WDFY1: variants seen among roughly 807,000 people sequenced by gnomAD.
The protein encoded by WDFY1 is WD repeat and FYVE domain containing 1.
In WDFY1, 32 loss-of-function variants were observed where a neutral mutation model predicts 56.4. The observed-to-expected ratio is 0.57, with a 90% confidence interval of 0.43 to 0.76. WDFY1 has a LOEUF of 0.76. Among genes scored for constraint, WDFY1 ranks in the 30% least tolerant of loss-of-function variants. WDFY1 has a pLI of 0.00. For synonymous variants in WDFY1, 192 were observed against 197.3 expected (o/e 0.97, Z 0.23); for missense variants, 480 against 545.7 (o/e 0.88, Z 1.20).
intron 2 of WDFY1, among the ~76,000 whole-genome samples, chr2:223,914,863 GAA>G (rs544801156): frequency 4.6e-5 from 7 of 152,092 alleles, no homozygotes; most frequent in Non-Finnish European, 7.4e-5. Flanking sequence ...AGCAGATTCT[GAA>G]AGTTTTTTTT....
intron 2 of WDFY1, among the ~76,000 whole-genome samples, chr2:223,915,105 T>A (rs1693765334): frequency 6.6e-6 from 1 of 152,250 alleles, no homozygotes; most frequent in Non-Finnish European, 1.5e-5. Flanking sequence ...AAAACAGACA[T>A]GCAGTTATTT....
chr2:223,893,991 T>G (rs1300173469), intron 8 of WDFY1, among the ~76,000 whole-genome samples: 1 of 152,248 alleles, frequency 6.6e-6, no homozygotes, highest in Non-Finnish European at 1.5e-5. Context: ...TGCTCAAGGC[T>G]GAGAACCAGC....
chr2:223,878,645 G>A lies in WDFY1; in HGVS notation c.*26C>T, dbSNP rs749418409. 6.3e-7 allele frequency: 1 copy of A among 1,582,488 alleles called. No homozygotes were observed. The highest frequency in any genetic ancestry group is 8.7e-7 in the Non-Finnish European group (1 of 1,151,406). ...TCATTTGGTGGAGCTGCTGTTCTTAGGTGTGGACGCCGCCCAGCTCTCAGA... is the reference window on the plus strand; with the variant it reads ...TCATTTGGTGGAGCTGCTGTTCTTAAGTGTGGACGCCGCCCAGCTCTCAGA... On this transcript the variant is annotated 3_prime_UTR_variant, in exon 12 of 12. Coordinates refer to ENST00000233055, the MANE Select transcript of WDFY1 (RefSeq NM_020830.5).
intron 11 of WDFY1, 82 bp downstream of exon 11, chr2:223,880,038 CAGAA>C: frequency 5.1e-6 from 6 of 1,174,770 alleles, no homozygotes; most frequent in Non-Finnish European, 7.5e-6. Flanking sequence ...GCTTGCCAGT[CAGAA>C]AGAGTGACTG....
chr2:223,884,537 G>C (rs1412046759), intron 9 of WDFY1, 111 bp downstream of exon 9: 1 of 958,032 alleles, frequency 1.0e-6, no homozygotes, highest in East Asian at 2.4e-5. Context: ...GAAAATGTAG[G>C]AATTAATAGC....
chr2:223,891,147 G>A (rs1259513093), intron 8 of WDFY1, among the ~76,000 whole-genome samples: 1 of 151,948 alleles, frequency 6.6e-6, no homozygotes, highest in African/African-American at 2.4e-5. Flanking sequence ...AAGCTGAGGC[G>A]GGCGGATCAC....
chr2:223,913,048 AAAAC>A (rs1693730106), intron 2 of WDFY1, among the ~76,000 whole-genome samples: 1 of 152,150 alleles, frequency 6.6e-6, no homozygotes, highest in African/African-American at 2.4e-5. Flanking sequence ...AAAACAAAAC[AAAAC>A]AAACAAATTT....
At chr2:223,884,142 A>T (rs1054935055) in intron 9 of WDFY1, among the ~76,000 whole-genome samples, 17 of 152,172 alleles carry the variant, frequency 1.1e-4, no homozygotes, top group Admixed American at 6.5e-5. Context: ...TTAATTAAAA[A>T]ATTTAAAAAA....
At chr2:223,891,162 G>C (rs1042652780) in intron 8 of WDFY1, among the ~76,000 whole-genome samples, 17 of 151,436 alleles carry the variant, frequency 1.1e-4, no homozygotes. Context: ...GATCACTTGA[G>C]GTCAGGGGCT....
intron 1 of WDFY1, among the ~76,000 whole-genome samples, chr2:223,934,857 G>A (rs547598654): frequency 3.9e-5 from 6 of 152,298 alleles, no homozygotes; most frequent in East Asian, 1.9e-4. Flanking sequence ...ATATGTAAAT[G>A]AGTAACAGTA....
At chr2:223,896,079 C>A (rs1484928601) in intron 6 of WDFY1, among the ~76,000 whole-genome samples, 2 of 139,144 alleles carry the variant, frequency 1.4e-5, no homozygotes, top group African/African-American at 2.7e-5. Context: ...TTGCTTGAAC[C>A]CAGGAGGTGG....
At chr2:223,916,435 C>G (rs1245521981) in intron 2 of WDFY1, among the ~76,000 whole-genome samples, 1 of 152,210 alleles carries the variant, frequency 6.6e-6, no homozygotes, top group Non-Finnish European at 1.5e-5. Flanking sequence ...TCAGCAGCAT[C>G]TGCAACCACT....
In WDFY1 at chr2:223,901,239, C is replaced by A; in HGVS notation, c.429G>T (p.Thr143=). The A allele has an allele frequency of 6.2e-7, 1 of 1,613,976 alleles. No individual in the cohort carries two copies. The highest frequency in any genetic ancestry group is 8.5e-7 in the Non-Finnish European group (1 of 1,179,986). ...GCCTCCCGAGCATGTTCCCGCTCCG[C>A]GTGCACATCCAGCTCACACACTTGT... is the stretch of plus-strand genomic sequence containing the variant. ...GHDKCVSWMC[T]RSGNMLGRHF... is the part of the protein sequence containing the mutation. The change falls in exon 5 of 12, where the codon ACG becomes ACT. Residue 143 remains threonine (T), a synonymous_variant. Coordinates refer to ENST00000233055, the MANE Select transcript of WDFY1 (RefSeq NM_020830.5).
chr2:223,942,363 G>A (rs1159716746), intron 1 of WDFY1, among the ~76,000 whole-genome samples: 1 of 151,462 alleles, frequency 6.6e-6, no homozygotes, highest in African/African-American at 2.4e-5. Context: ...GGGACTACAG[G>A]CGCCTGCCAC....
intron 3 of WDFY1, 60 bp downstream of exon 3, chr2:223,912,193 A>G (rs899790131): frequency 6.7e-7 from 1 of 1,489,880 alleles, no homozygotes; most frequent in Non-Finnish European, 9.1e-7. Context: ...GGGACATGGG[A>G]GGTCAATATA....
At chr2:223,899,686 C>T (rs372971573) in intron 5 of WDFY1, among the ~76,000 whole-genome samples, 1 of 152,042 alleles carries the variant, frequency 6.6e-6, no homozygotes, top group African/African-American at 2.4e-5. Flanking sequence ...GCAGAGGCTG[C>T]AGTGAGCTGA....
intron 1 of WDFY1, among the ~76,000 whole-genome samples, chr2:223,937,778 T>C (rs1231661037): frequency 6.6e-6 from 1 of 152,242 alleles, no homozygotes; most frequent in Non-Finnish European, 1.5e-5. Context: ...CTTCAGTTTA[T>C]TTTATAACAC....
chr2:223,894,032 T>C (rs757670321), intron 8 of WDFY1, among the ~76,000 whole-genome samples: 1 of 152,072 alleles, frequency 6.6e-6, no homozygotes, highest in African/African-American at 2.4e-5. Context: ...CTGCATGTCA[T>C]TGGTAGAAAC....
At chr2:223,931,255 A>T (rs1277006375) in intron 1 of WDFY1, among the ~76,000 whole-genome samples, 1 of 152,224 alleles carries the variant, frequency 6.6e-6, no homozygotes, top group African/African-American at 2.4e-5. Context: ...CAGTCACTGA[A>T]GTACAAAATA....
Sources: allele counts gnomAD v4.1 joint callset (sites outside exome capture counted in the v4.1 genomes callset), GRCh38; gene constraint gnomAD v4.1.1; transcripts MANE v1.5; gene names NCBI Gene and HGNC (gene_info 2026-07-23, HGNC 2026-07-21).